Variants in CAPN8 observed in about 807,000 individuals in gnomAD.
The protein encoded by CAPN8 is calpain-8.
CAPN8 carries 87 observed loss-of-function variants against 80.9 expected under a neutral mutation model. The ratio of observed to expected loss-of-function variants is 1.07; its 90% CI spans 0.90 to 1.28. The LOEUF (loss-of-function observed/expected upper bound fraction) is 1.28, where lower values mean the gene tolerates loss of function less well. Ranked by LOEUF, CAPN8 falls within the 50% of genes most tolerant of loss-of-function variation. The pLI is 0.00. For synonymous variants in CAPN8, 299 were observed against 273.8 expected (o/e 1.09, Z -0.91); for missense variants, 757 against 702.0 (o/e 1.08, Z -0.89).
intron 2 of CAPN8, among the ~76,000 whole-genome samples, chr1:223,644,642 G>T (rs1029624363): frequency 6.6e-6 from 1 of 152,202 alleles, no homozygotes; most frequent in African/African-American, 2.4e-5. Context: ...GGTGAGGGGA[G>T]TGAGAGTTTC....
At chr1:223,640,149 C>A (rs368417823) in intron 2 of CAPN8, among the ~76,000 whole-genome samples, 1 of 152,078 alleles carries the variant, frequency 6.6e-6, no homozygotes, top group African/African-American at 2.4e-5. Context: ...TCTGACCTAC[C>A]TCATAAGATA....
intron 11 of CAPN8, among the ~76,000 whole-genome samples, chr1:223,609,877 G>C (rs1656988699): frequency 6.6e-6 from 1 of 152,210 alleles, no homozygotes; most frequent in Admixed American, 6.5e-5. Context: ...TGGGAACCCA[G>C]GGAGGCAGCT....
At chr1:223,631,084 A>C (rs889499367) in intron 2 of CAPN8, among the ~76,000 whole-genome samples, 1 of 152,106 alleles carries the variant, frequency 6.6e-6, no homozygotes, top group South Asian at 2.1e-4. Context: ...ACTCTCCGCT[A>C]TGAATCTAAT....
At position 223,638,137 on chromosome 1, in the gene CAPN8, A is replaced by G. The variant is rs1657955260; in HGVS notation, c.308-9357T>C. ...AACATGTACAGACTTTTTTCTTATCATGATTCCCTGAATGATACCATATAA... is the reference window on the plus strand; with the variant it reads ...AACATGTACAGACTTTTTTCTTATCGTGATTCCCTGAATGATACCATATAA... On this transcript the variant is annotated intron_variant, in intron 2 of 20. Coordinates refer to ENST00000366872, the MANE Select transcript of CAPN8 (RefSeq NM_001143962.2). 3.3e-5 allele frequency among the ~76,000 whole-genome samples: 5 copies of G among 152,172 alleles called. No homozygotes were observed. The South Asian group carries it at 8.3e-4, about 25-fold the overall frequency.
At chr1:223,552,289 C>A (rs1280824351) in intron 14 of CAPN8, among the ~76,000 whole-genome samples, 4 of 152,148 alleles carry the variant, frequency 2.6e-5, no homozygotes, top group Admixed American at 2.0e-4. Flanking sequence ...CTGGGCCAGG[C>A]ACGGTGGCTC....
intron 12 of CAPN8, among the ~76,000 whole-genome samples, 200 bp downstream of exon 12, chr1:223,608,953 T>C (rs1309634868): frequency 6.8e-6 from 1 of 148,142 alleles, no homozygotes; most frequent in African/African-American, 2.5e-5. Context: ...CTGGTTCTCT[T>C]TCTCTCCGTG....
chr1:223,610,503 C>T (rs1657004684), intron 11 of CAPN8, among the ~76,000 whole-genome samples: 1 of 152,196 alleles, frequency 6.6e-6, no homozygotes, highest in African/African-American at 2.4e-5. Flanking sequence ...TCATTCTTGC[C>T]ATACCTGATG....
rs751981860 is a variant in CAPN8 at position 223,620,237 on chromosome 1, C to T, written c.929G>A (p.Arg310Gln). 222 of 1,551,484 alleles carry T rather than the reference C, an allele frequency of 1.4e-4. No homozygotes were observed. The highest frequency in any genetic ancestry group is 1.7e-4 in the Non-Finnish European group (198 of 1,146,978). ...DAPEWNHIDP[R>Q]RKEELDKKVE... is the part of the protein sequence containing the mutation. The stretch of plus-strand genomic sequence containing the variant: ...TTTCTTGTCCAGTTCTTCCTTCCGC[C>T]GGGGGTCTATGTGATTCCACTCTGG... Residue 310 changes from arginine to glutamine, a missense_variant, in exon 8 of 21, where the codon CGG (arginine) becomes CAG (glutamine). Arg to Gln is a conservative substitution (Grantham distance 43). Coordinates refer to ENST00000366872, the MANE Select transcript of CAPN8 (RefSeq NM_001143962.2).
chr1:223,542,865 C>G (rs536567957), intron 20 of CAPN8, among the ~76,000 whole-genome samples: 19 of 152,262 alleles, frequency 1.2e-4, no homozygotes, highest in African/African-American at 3.9e-4. Context: ...GGGCTTGCAT[C>G]TCCGAAATTA....
At chr1:223,551,125 C>T in intron 14 of CAPN8, 108 bp from the exon 15 acceptor site, 1 of 645,186 alleles carries the variant, frequency 1.5e-6, no homozygotes, top group Non-Finnish European at 2.8e-6. Context: ...CCCACTGGCC[C>T]TGTGAGGTTT....
chr1:223,629,595 C>T (rs576193529), intron 2 of CAPN8, among the ~76,000 whole-genome samples: 17 of 152,176 alleles, frequency 1.1e-4, no homozygotes, highest in Admixed American at 2.6e-4. Flanking sequence ...AGAAGTAGCA[C>T]GGGCCCCAGG....
In CAPN8 at chr1:223,620,182, A is replaced by C. The variant is rs1315816861; in HGVS notation, c.974+10T>G. 12 of 1,550,152 alleles carry C rather than the reference A, an allele frequency of 7.7e-6. No individual in the cohort carries two copies. The highest frequency in any genetic ancestry group is 9.6e-6 in the Non-Finnish European group (11 of 1,146,424). On this transcript the variant is annotated intron_variant, in intron 8 of 20. Coordinates refer to ENST00000366872, the MANE Select transcript of CAPN8 (RefSeq NM_001143962.2). ...CAATGGGACAGCGCTTCAGCAGAAA[A>C]CTCTCTCACCAGAATTCTCCATCCT...
intron 12 of CAPN8, among the ~76,000 whole-genome samples, chr1:223,558,523 G>T (rs1205582542): frequency 2.6e-5 from 4 of 152,172 alleles, no homozygotes; most frequent in Non-Finnish European, 2.9e-5. Flanking sequence ...TGTCCTCTGG[G>T]GGCTAAGCCA....
At chr1:223,622,954 G>T (rs1338465568) in intron 6 of CAPN8, 54 bp from the exon 7 acceptor site, 9 of 1,397,904 alleles carry the variant, frequency 6.4e-6, no homozygotes, top group Non-Finnish European at 9.9e-7. Context: ...CTGTTGCCTT[G>T]CAGGCATGTC....
At chr1:223,542,532 A>G (rs1656495897) in intron 20 of CAPN8, among the ~76,000 whole-genome samples, 1 of 152,178 alleles carries the variant, frequency 6.6e-6, no homozygotes, top group Non-Finnish European at 1.5e-5. Context: ...CCACCGCCTC[A>G]GAATCAAGTC....
intron 10 of CAPN8, among the ~76,000 whole-genome samples, chr1:223,614,043 A>G (rs771663113): frequency 4.6e-5 from 7 of 152,216 alleles, no homozygotes. Context: ...ATGAGCGCAA[A>G]TGTCATGCCA....
Position 223,620,163 on chromosome 1 carries a change from G to C in CAPN8, c.974+29C>G, listed in dbSNP as rs932409695. The C allele has an allele frequency of 3.2e-6, 5 of 1,544,916 alleles. No individual in the cohort carries two copies. In the African/African-American group the frequency reaches 5.5e-5, roughly 17 times the overall value. Reference sequence around the variant, plus strand: ...CTGAAAATGGACCCATCACCAATGGGACAGCGCTTCAGCAGAAAACTCTCT... The same window carrying C: ...CTGAAAATGGACCCATCACCAATGGCACAGCGCTTCAGCAGAAAACTCTCT... On this transcript the variant is annotated intron_variant, in intron 8 of 20. Transcript: ENST00000366872.
At chr1:223,660,955 C>T (rs955455451) in intron 1 of CAPN8, among the ~76,000 whole-genome samples, 1 of 152,188 alleles carries the variant, frequency 6.6e-6, no homozygotes, top group Non-Finnish European at 1.5e-5. Flanking sequence ...TCACTTGAGA[C>T]CAGGAGTTTG....
At chr1:223,554,632 G>C (rs36159365) in intron 13 of CAPN8, among the ~76,000 whole-genome samples, 2 of 151,936 alleles carry the variant, frequency 1.3e-5, no homozygotes, top group African/African-American at 4.8e-5. Flanking sequence ...TTCACGAAGA[G>C]CAACATGATT....
Sources: allele counts gnomAD v4.1 joint callset (sites outside exome capture counted in the v4.1 genomes callset), GRCh38; gene constraint gnomAD v4.1.1; transcripts MANE v1.5; gene names NCBI Gene and HGNC (gene_info 2026-07-23, HGNC 2026-07-21).